The following FAM133A variants were observed in gnomAD, a reference collection of about 807,000 sequenced individuals.
The protein encoded by FAM133A is family with sequence similarity 133 member A, also known as protein FAM133A.
For synonymous variants in FAM133A, 65 were observed against 58.6 expected, an observed-to-expected ratio of 1.11 and a Z score of -0.50; for missense variants, 159 against 164.4, an observed-to-expected ratio of 0.97 and a Z score of 0.18.
upstream of FAM133A, chrX:93,673,988 TAAAAAAAAAA>T (rs946167250): frequency 2.6e-5 from 1 of 38,713 alleles, no homozygotes; most frequent in Non-Finnish European, 4.2e-5. Context: ...CAAAAAGCTG[TAAAAAAAAAA>T]AAAAAAAAAA....
At chrX:93,695,027 T>G (rs1926132032) in intron 2 of FAM133A, among the ~76,000 whole-genome samples, 2 of 111,535 alleles carry the variant, frequency 1.8e-5, no homozygotes, top group Admixed American at 9.5e-5. Flanking sequence ...TTGGTGCTAC[T>G]GGGACACTGC....
intron 2 of FAM133A, among the ~76,000 whole-genome samples, chrX:93,697,927 C>T (rs1926413818): frequency 9.0e-6 from 1 of 111,141 alleles, no homozygotes; most frequent in Admixed American, 9.6e-5. Flanking sequence ...AAATATTACC[C>T]CAGTCGCTCT....
At chrX:93,690,061 G>T (rs1478696679) in intron 2 of FAM133A, among the ~76,000 whole-genome samples, 2 of 110,046 alleles carry the variant, frequency 1.8e-5, no homozygotes, top group Non-Finnish European at 3.8e-5. Context: ...AGACTTAGAA[G>T]TCAGGGCTGG....
Position 93,699,938 on chromosome X carries a change from G to A in FAM133A, c.-104+1453G>A, listed in dbSNP as rs747661213. ...TATACCATGAGAATTATTTATTTTA[G>A]GTGTACAGTTTGATGATTTACTGCA... On this transcript the variant is annotated intron_variant, in intron 3 of 3. Coordinates refer to ENST00000683942, the MANE Select transcript of FAM133A (RefSeq NM_001171109.2). 2.7e-5 allele frequency among the ~76,000 whole-genome samples: 3 copies of A among 110,436 alleles called. No individual in the cohort carries two copies. The East Asian group carries it at 8.5e-4, about 31-fold the overall frequency.
intron 3 of FAM133A, among the ~76,000 whole-genome samples, chrX:93,700,117 C>T (rs770029586): frequency 9.2e-6 from 1 of 109,286 alleles, no homozygotes; most frequent in South Asian, 3.9e-4. Flanking sequence ...TTCTTTTAGT[C>T]CATGAAATTG....
intron 2 of FAM133A, among the ~76,000 whole-genome samples, chrX:93,678,552 C>T (rs916163486): frequency 9.0e-6 from 1 of 111,654 alleles, no homozygotes; most frequent in African/African-American, 3.3e-5. Context: ...GAAATCTTTG[C>T]TTAACCCAAA....
chrX:93,699,859 G>A (rs752918271), intron 3 of FAM133A, among the ~76,000 whole-genome samples: 4 of 110,893 alleles, frequency 3.6e-5, no homozygotes, highest in African/African-American at 6.5e-5. Flanking sequence ...TGCCTAATCA[G>A]TATTAGATAT....
At chrX:93,677,052 T>C (rs942288415) in intron 2 of FAM133A, among the ~76,000 whole-genome samples, 5 of 110,777 alleles carry the variant, frequency 4.5e-5, no homozygotes, top group Non-Finnish European at 9.5e-5. Flanking sequence ...CTGTGAAATA[T>C]AAGTATTAGT....
At position 93,709,416 on chromosome X, in the gene FAM133A, C is replaced by G; in HGVS notation, c.-4C>G. 8.7e-7 allele frequency: 1 copy of G among 1,145,712 alleles called. No homozygotes were observed. 94.4% of individuals were successfully genotyped at this position (1,145,712 alleles called of 1,213,427 possible). On this transcript the variant is annotated 5_prime_UTR_variant, in exon 4 of 4. Transcript: ENST00000683942. ...AGAGTCTGCCCTTGGAAACATCAGG[C>G]ACCATGGGGAAGCGGGATAATCGGG...
intron 2 of FAM133A, among the ~76,000 whole-genome samples, chrX:93,680,723 A>G (rs1295747122): frequency 9.0e-6 from 1 of 111,647 alleles, no homozygotes; most frequent in East Asian, 2.8e-4. Flanking sequence ...TCATATACCT[A>G]TTGGCGATTT....
chrX:93,676,262 C>T (rs2147571603), intron 2 of FAM133A, among the ~76,000 whole-genome samples: 1 of 111,017 alleles, frequency 9.0e-6, no homozygotes, highest in South Asian at 3.7e-4. Context: ...TTGATAAAGT[C>T]AGGCAATACA....
intron 3 of FAM133A, among the ~76,000 whole-genome samples, chrX:93,706,667 T>C (rs1310459099): frequency 8.9e-6 from 1 of 111,863 alleles, no homozygotes; most frequent in Non-Finnish European, 1.9e-5. Flanking sequence ...GTCATTGTCA[T>C]TGCCTTTGGT....
At chrX:93,693,067 T>A (rs989340431) in intron 2 of FAM133A, among the ~76,000 whole-genome samples, 3 of 111,472 alleles carry the variant, frequency 2.7e-5, no homozygotes, top group African/African-American at 9.8e-5. Flanking sequence ...TCTAGGGCTG[T>A]AGCATAGGAG....
At chrX:93,676,537 A>G (rs1602780477) in intron 2 of FAM133A, among the ~76,000 whole-genome samples, 1 of 110,696 alleles carries the variant, frequency 9.0e-6, no homozygotes, top group Non-Finnish European at 1.9e-5. Context: ...TAAGACAACT[A>G]TGATTTCTTC....
chrX:93,706,628 G>A lies in FAM133A; in HGVS notation c.-103-2689G>A, dbSNP rs551855531. ...AAAATGGAAACTAGAACCTTTTCTC[G>A]AAGTCTGTGCCATTTTCTCTATTAC... On this transcript the variant is annotated intron_variant, in intron 3 of 3. Transcript: ENST00000683942. Among the ~76,000 whole-genome samples the A allele has an allele frequency of 2.2e-4, 25 of 111,301 alleles. No individual in the cohort carries two copies. The South Asian group carries it at 4.6e-3, about 20-fold the overall frequency.
At chrX:93,677,169 A>G (rs903490729) in intron 2 of FAM133A, among the ~76,000 whole-genome samples, 3 of 109,958 alleles carry the variant, frequency 2.7e-5, no homozygotes, top group Non-Finnish European at 3.8e-5. Flanking sequence ...GGGGGGGCTA[A>G]ATGTTCATGC....
At chrX:93,689,197 A>G (rs1925736136) in intron 2 of FAM133A, among the ~76,000 whole-genome samples, 1 of 109,602 alleles carries the variant, frequency 9.1e-6, no homozygotes, top group African/African-American at 3.3e-5. Context: ...ATCTGCCACC[A>G]TGCCCGGCTA....
At chrX:93,705,379 G>C (rs1926975019) in intron 3 of FAM133A, among the ~76,000 whole-genome samples, 2 of 111,553 alleles carry the variant, frequency 1.8e-5, no homozygotes, top group Non-Finnish European at 3.8e-5. Context: ...TTTTAAAACA[G>C]AGTATTTGAG....
chrX:93,688,063 G>A (rs1421526226), intron 2 of FAM133A, among the ~76,000 whole-genome samples: 1 of 110,262 alleles, frequency 9.1e-6, no homozygotes, highest in Non-Finnish European at 1.9e-5. Flanking sequence ...GGACATTTAG[G>A]TTGATTCTAT....
Sources: gnomAD v4.1 joint callset for allele counts (sites outside exome capture counted in the v4.1 genomes callset) on GRCh38, gnomAD v4.1.1 for gene constraint, MANE v1.5 for transcripts, NCBI Gene and HGNC (gene_info 2026-07-23, HGNC 2026-07-21) for gene names.